LEKR1: variants seen among roughly 807,000 people sequenced by gnomAD.
LEKR1 encodes the protein protein LEKR1.
In LEKR1, 59 loss-of-function variants were observed where a neutral mutation model predicts 72.4. The observed-to-expected ratio is 0.82, with a 90% CI of 0.66 to 1.01. LEKR1 has a LOEUF of 1.01. Ranked by LOEUF, LEKR1 falls within the 50% of genes least tolerant of loss-of-function variation. The pLI, the probability that LEKR1 is intolerant of heterozygous loss-of-function variation, is 0.00. For synonymous variants in LEKR1, 257 were observed against 263.2 expected, an observed-to-expected ratio of 0.98 and a Z score of 0.23; for missense variants, 728 against 759.2, an observed-to-expected ratio of 0.96 and a Z score of 0.48.
At chr3:156,967,589 G>A (rs1728748700) in intron 6 of LEKR1, among the ~76,000 whole-genome samples, 1 of 152,120 alleles carries the variant, frequency 6.6e-6, no homozygotes, top group Non-Finnish European at 1.5e-5. Context: ...AGAATAAAAA[G>A]AAATGAACAA....
intron 6 of LEKR1, among the ~76,000 whole-genome samples, chr3:156,950,805 C>T (rs1257645663): frequency 6.6e-6 from 1 of 151,566 alleles, no homozygotes; most frequent in Non-Finnish European, 1.5e-5. Flanking sequence ...AACATGTCAT[C>T]TGCAAACAGA....
intron 6 of LEKR1, among the ~76,000 whole-genome samples, chr3:156,956,294 C>T (rs1487863576): frequency 3.3e-5 from 5 of 151,948 alleles, no homozygotes; most frequent in Admixed American, 1.3e-4. Flanking sequence ...TCTACTCCTT[C>T]AGCTTCTTGG....
intron 6 of LEKR1, among the ~76,000 whole-genome samples, chr3:156,962,699 G>A (rs981844712): frequency 6.6e-6 from 1 of 152,064 alleles, no homozygotes; most frequent in African/African-American, 2.4e-5. Flanking sequence ...ATTAATGTTT[G>A]AATCATAGAG....
At chr3:156,989,541 C>A (rs1032044) in intron 7 of LEKR1, among the ~76,000 whole-genome samples, 76,919 of 151,960 alleles carry the variant, frequency 0.51, 22,020 homozygotes, top group South Asian at 0.79. Context: ...AAAATTTGTA[C>A]CCCTGCATTT....
chr3:157,024,266 T>G (rs1734043472), intron 10 of LEKR1, among the ~76,000 whole-genome samples: 1 of 152,160 alleles, frequency 6.6e-6, no homozygotes, highest in Admixed American at 6.6e-5. Context: ...CCTTTAATCA[T>G]CCTTCCCACT....
At chr3:156,859,585 C>T (rs1716516156) in intron 3 of LEKR1, among the ~76,000 whole-genome samples, 1 of 152,126 alleles carries the variant, frequency 6.6e-6, no homozygotes, top group Admixed American at 6.6e-5. Context: ...GCTACATTGA[C>T]ACATCATCAT....
chr3:156,990,293 T>C (rs1250134516), intron 7 of LEKR1, among the ~76,000 whole-genome samples: 1 of 152,200 alleles, frequency 6.6e-6, no homozygotes. Flanking sequence ...TGGAGGCACA[T>C]GATAACAATT....
At chr3:157,033,132 C>T (rs1392198432) in intron 12 of LEKR1, among the ~76,000 whole-genome samples, 1 of 152,068 alleles carries the variant, frequency 6.6e-6, no homozygotes, top group Admixed American at 6.6e-5. Flanking sequence ...CTCAGGACTC[C>T]CTATTTGCTG....
At chr3:157,029,083 G>A (rs1734411856) in intron 12 of LEKR1, among the ~76,000 whole-genome samples, 1 of 152,130 alleles carries the variant, frequency 6.6e-6, no homozygotes, top group East Asian at 1.9e-4. Context: ...GCAAATAAAG[G>A]TAAATGGAGG....
chr3:157,019,547 T>A (rs1352669583), intron 10 of LEKR1, among the ~76,000 whole-genome samples: 1 of 152,232 alleles, frequency 6.6e-6, no homozygotes, highest in Middle Eastern at 3.2e-3. Context: ...TTACTTTGTG[T>A]AATTCTTAAG....
chr3:156,935,084 C>T (rs1258311360), intron 5 of LEKR1, among the ~76,000 whole-genome samples: 1 of 152,092 alleles, frequency 6.6e-6, no homozygotes, highest in African/African-American at 2.4e-5. Flanking sequence ...TTTTGCTTTT[C>T]ATTTGCAAGT....
chr3:156,893,022 C>A (rs1280449566), intron 3 of LEKR1, among the ~76,000 whole-genome samples: 1 of 152,134 alleles, frequency 6.6e-6, no homozygotes, highest in Non-Finnish European at 1.5e-5. Context: ...CTTGTAAGGT[C>A]AGGATATATA....
At chr3:156,872,842 G>T (rs1356362003) in intron 3 of LEKR1, among the ~76,000 whole-genome samples, 1 of 151,934 alleles carries the variant, frequency 6.6e-6, no homozygotes, top group African/African-American at 2.4e-5. Context: ...AATTTATTGA[G>T]AATTATTTTG....
intron 3 of LEKR1, among the ~76,000 whole-genome samples, chr3:156,885,543 T>G (rs951951286): frequency 5.9e-5 from 9 of 152,154 alleles, no homozygotes; most frequent in African/African-American, 1.9e-4. Flanking sequence ...CTGCAGTGAT[T>G]GTTATTGCTC....
At chr3:157,027,137 T>A (rs116831735) in intron 11 of LEKR1, among the ~76,000 whole-genome samples, 3 of 152,160 alleles carry the variant, frequency 2.0e-5, no homozygotes, top group African/African-American at 7.2e-5. Flanking sequence ...TTTTGAGAGC[T>A]ATGGTTAGAG....
At chr3:156,948,208 GTTTTAC>G (rs1726847805) in intron 6 of LEKR1, among the ~76,000 whole-genome samples, 1 of 151,020 alleles carries the variant, frequency 6.6e-6, no homozygotes, top group Non-Finnish European at 1.5e-5. Flanking sequence ...AGATGTAATA[GTTTTAC>G]TTAAATATGT....
chr3:156,926,025 CT>C (rs1445197243), intron 4 of LEKR1, among the ~76,000 whole-genome samples: 3 of 151,890 alleles, frequency 2.0e-5, no homozygotes, highest in African/African-American at 7.2e-5. Flanking sequence ...ATCGTAATAA[CT>C]TTTTTGATTA....
chr3:157,036,969 A>G (rs1189348473), intron 12 of LEKR1, among the ~76,000 whole-genome samples: 1 of 152,224 alleles, frequency 6.6e-6, no homozygotes, highest in East Asian at 1.9e-4. Context: ...AGAAAATGTC[A>G]TCTTAGTACA....
chr3:156,864,144 A>G (rs920696047), intron 3 of LEKR1, among the ~76,000 whole-genome samples: 6 of 152,024 alleles, frequency 3.9e-5, no homozygotes, highest in African/African-American at 1.4e-4. Flanking sequence ...CAACTTGATC[A>G]GTTTCATTGC....
Sources: gnomAD v4.1 joint callset for allele counts (sites outside exome capture counted in the v4.1 genomes callset) on GRCh38, gnomAD v4.1.1 for gene constraint, MANE v1.5 for transcripts, NCBI Gene and HGNC (gene_info 2026-07-23, HGNC 2026-07-21) for gene names.